CSRNP1: variants seen among roughly 807,000 people sequenced by gnomAD.
CSRNP1 encodes cysteine/serine-rich nuclear protein 1.
CSRNP1 carries 8 observed loss-of-function variants against 25.0 expected under a neutral mutation model. The observed-to-expected ratio is 0.32, with a 90% CI of 0.19 to 0.58. CSRNP1 has a LOEUF of 0.58. Ranked by LOEUF, CSRNP1 falls within the 20% of genes least tolerant of loss-of-function variation. The pLI is 0.88. For synonymous variants in CSRNP1, 305 were observed against 303.1 expected (o/e 1.01, Z -0.06); for missense variants, 691 against 773.1 (o/e 0.89, Z 1.26).
chr3:39,142,374 C>T lies in CSRNP1; in HGVS notation c.*681G>A, dbSNP rs1438601544. 1 of 152,818 alleles carries T rather than the reference C, an allele frequency of 6.5e-6. No homozygotes were observed. Among genetic ancestry groups the T allele is most frequent in the Non-Finnish European group, 1.5e-5 (1 of 68,294 alleles). The allele number at this position is 152,818 out of a possible 1,614,324, so 9.5% of individuals were successfully genotyped here. A position where few individuals can be genotyped will look rare whatever the true frequency, so the allele number is the denominator to read the frequency against. ...TGTTCAGCCCAGGCTCTCCCCCTGC[C>T]TAGATGATGTCCTTGGCCAGCACCT... On this transcript the variant is annotated 3_prime_UTR_variant, in exon 5 of 5. Coordinates refer to ENST00000273153, the MANE Select transcript of CSRNP1 (RefSeq NM_033027.4).
Position 39,143,108 on chromosome 3 carries a change from T to C in CSRNP1, c.1717A>G (p.Ser573Gly), listed in dbSNP as rs2039436341. The change falls in exon 5 of 5, where the codon AGC becomes GGC. Residue 573 changes from serine (S) to glycine (G), a missense_variant. Physicochemically the swap from Ser to Gly is moderately conservative, Grantham distance 56. Coordinates refer to ENST00000273153, the MANE Select transcript of CSRNP1 (RefSeq NM_033027.4). ...AAEALDPFID[S>G]QFEDTVPASL... ...GCTGGGACAGTGTCCTCAAACTGGC[T>C]GTCAATAAAGGGATCTAGGGCTTCG... The C allele has an allele frequency of 3.7e-6, 6 of 1,609,656 alleles. No individual in the cohort carries two copies. The highest frequency in any genetic ancestry group is 5.1e-6 in the Non-Finnish European group (6 of 1,176,700).
At position 39,145,023 on chromosome 3, in the gene CSRNP1, C is replaced by G. The variant is rs138067710; in HGVS notation, c.439G>C (p.Glu147Gln). Reference protein sequence around the residue: ...HEKLRQRLKEEKLEMLQWKLS... With the variant: ...HEKLRQRLKEQKLEMLQWKLS... ...TTCCACTGCAGCATCTCCAACTTCT[C>G]CTCTTTCAAGCGCTGGCGGAGCTTC... Residue 147 changes from glutamate to glutamine, a missense_variant, in exon 3 of 5, where the codon GAG becomes CAG. Transcript: ENST00000273153. 5 of 1,611,888 alleles carry G rather than the reference C, an allele frequency of 3.1e-6. No homozygotes were observed. The African/African-American group carries it at 6.7e-5, about 22-fold the overall frequency.
At position 39,143,252 on chromosome 3, in the gene CSRNP1, CCTT is replaced by C. The variant is rs755470248; in HGVS notation, c.1570_1572del (p.Lys524del). On this transcript the variant is annotated inframe_deletion, in exon 5 of 5. Transcript: ENST00000273153. ...TCGATGTTGTCCAGGCTGTCAGACA[CCTT>C]CTGTGATGTGTAGTGAGGCCCCAGA... 2 of 1,614,194 alleles carry C rather than the reference CCTT, an allele frequency of 1.2e-6. No individual in the cohort carries two copies. Among genetic ancestry groups the C allele is most frequent in the Non-Finnish European group, 8.5e-7 (1 of 1,180,036 alleles).
In CSRNP1 at chr3:39,144,348, C is replaced by T. The variant is rs749571779; in HGVS notation, c.569G>A (p.Gly190Asp). The change falls in exon 4 of 5, where the codon GGT (glycine) becomes GAT (aspartate). Residue 190 changes from glycine to aspartate, a missense_variant. Physicochemically the swap from Gly to Asp is moderately conservative, Grantham distance 94. Coordinates refer to ENST00000273153, the MANE Select transcript of CSRNP1 (RefSeq NM_033027.4). ...VEEDLAVAVA[G>D]GRLEEVSFLQ... ...GAAGCTCACTTCTTCCAACCGGCCA[C>T]CTGCCACAGCGACTGCCAAGTCCTC... 19 of 1,614,048 alleles carry T rather than the reference C, an allele frequency of 1.2e-5. No homozygotes were observed. The highest frequency in any genetic ancestry group is 1.6e-5 in the Non-Finnish European group (19 of 1,180,056).
rs191442690 is a variant in CSRNP1, at chr3:39,146,461, G to A, written c.205+17C>T. ...AGGCAGGCAGGTGATGGAGTTCCCAGGGGAGGGAGTACTCACGGGTGAAAC... is the reference window on the plus strand; with the variant it reads ...AGGCAGGCAGGTGATGGAGTTCCCAAGGGAGGGAGTACTCACGGGTGAAAC... On this transcript the variant is annotated intron_variant, in intron 2 of 4. Coordinates refer to ENST00000273153, the MANE Select transcript of CSRNP1 (RefSeq NM_033027.4). 4.3e-3 allele frequency: 6,561 copies of A among 1,519,008 alleles called. 26 individuals are homozygous for A. Among genetic ancestry groups the A allele is most frequent in the Non-Finnish European group, 4.6e-3 (5,189 of 1,130,196 alleles). The allele number at this position is 1,519,008 out of a possible 1,614,324, so 94.1% of individuals were successfully genotyped here.
intron 1 of CSRNP1, chr3:39,150,907 A>G (rs1559734469): frequency 6.6e-6 from 1 of 152,030 alleles, no homozygotes; most frequent in Non-Finnish European, 1.5e-5. Flanking sequence ...CCTCCCTGAT[A>G]CTCCTCTGGA....
intron 2 of CSRNP1, among the ~76,000 whole-genome samples, chr3:39,146,271 C>T (rs1374298553): frequency 6.6e-6 from 1 of 152,200 alleles, no homozygotes; most frequent in Non-Finnish European, 1.5e-5. Flanking sequence ...TCCCGGATGT[C>T]ATCACTCCCA....
chr3:39,145,025 T>A lies in CSRNP1; in HGVS notation c.437A>T (p.Glu146Val). The A allele has an allele frequency of 1.2e-6, 2 of 1,612,070 alleles. No individual in the cohort carries two copies. The highest frequency in any genetic ancestry group is 1.7e-6 in the Non-Finnish European group (2 of 1,178,408). The stretch of plus-strand genomic sequence containing the variant: ...CCACTGCAGCATCTCCAACTTCTCC[T>A]CTTTCAAGCGCTGGCGGAGCTTCTC... Reference protein sequence around the residue: ...RHEKLRQRLKEEKLEMLQWKL... With the variant: ...RHEKLRQRLKVEKLEMLQWKL... Residue 146 changes from glutamate (E) to valine (V), a missense_variant, in exon 3 of 5, where the codon GAG (glutamate) becomes GTG (valine). Transcript: ENST00000273153.
In CSRNP1 at chr3:39,143,756, TA is replaced by T. The variant is rs1191061756; in HGVS notation, c.1068del (p.Thr357GlnfsTer39). Reference protein sequence around the residue: ...NSCSSDMTDSSTASSSASGTS... With the variant: ...NSCSSDMTDSXTASSSASGTS... ...GTGCCCGATGCTGATGAAGATGCTG[TA>T]GAAGAATCAGTCATGTCGCTGCTGC... On this transcript the variant is annotated frameshift_variant, in exon 5 of 5. Coordinates refer to ENST00000273153, the MANE Select transcript of CSRNP1 (RefSeq NM_033027.4). LOFTEE classifies it low-confidence loss of function (END_TRUNC). 6.2e-7 allele frequency: 1 copy of T among 1,613,946 alleles called. No individual in the cohort carries two copies. The highest frequency in any genetic ancestry group is 1.3e-5 in the African/African-American group (1 of 74,902).
In CSRNP1 at chr3:39,143,259, T is replaced by A; in HGVS notation, c.1566A>T (p.Ser522=). 6.2e-7 allele frequency: 1 copy of A among 1,614,026 alleles called. No homozygotes were observed. The highest frequency in any genetic ancestry group is 8.5e-7 in the Non-Finnish European group (1 of 1,180,002). Residue 522 remains serine (S), a synonymous_variant, in exon 5 of 5, where the codon TCA becomes TCT. Coordinates refer to ENST00000273153, the MANE Select transcript of CSRNP1 (RefSeq NM_033027.4). The part of the protein sequence containing the change: ...PDYSLGPHYT[S]QKVSDSLDNI... Reference sequence around the variant, plus strand: ...TGTCCAGGCTGTCAGACACCTTCTGTGATGTGTAGTGAGGCCCCAGACTAT... The same window carrying A: ...TGTCCAGGCTGTCAGACACCTTCTGAGATGTGTAGTGAGGCCCCAGACTAT...
chr3:39,144,009 C>T lies in CSRNP1; in HGVS notation c.816G>A (p.Arg272=), dbSNP rs755445699. ...DHTAFPCGCC[R]EGCENPMGRV... is the part of the protein sequence containing the mutation. ...GGCCCATGGGGTTCTCACAGCCCTC[C>T]CTGCAGCAGCCACAGGGGAATGCTG... The change falls in exon 5 of 5, where the codon AGG becomes AGA. Residue 272 remains arginine (R), a synonymous_variant. Transcript: ENST00000273153. The T allele has an allele frequency of 6.2e-7, 1 of 1,613,110 alleles. No homozygotes were observed. The highest frequency in any genetic ancestry group is 8.5e-7 in the Non-Finnish European group (1 of 1,179,990).
At chr3:39,148,056 C>G (rs1490731114) in intron 1 of CSRNP1, among the ~76,000 whole-genome samples, 2 of 152,162 alleles carry the variant, frequency 1.3e-5, no homozygotes, top group African/African-American at 4.8e-5. Flanking sequence ...TACAAAGTCC[C>G]CGAATCCTGT....
chr3:39,143,125 AGGGCTTCGGCGGC>A lies in CSRNP1; in HGVS notation c.1687_1699del (p.Ala563Ter). The A allele has an allele frequency of 3.1e-6, 5 of 1,613,902 alleles. No homozygotes were observed. The South Asian group carries it at 4.4e-5, about 14-fold the overall frequency. ...AAACTGGCTGTCAATAAAGGGATCTAGGGCTTCGGCGGCTGGCTCGGAGAAGCCCATGAGGGAC... is the reference window on the plus strand; with the variant it reads ...AAACTGGCTGTCAATAAAGGGATCTATGGCTCGGAGAAGCCCATGAGGGAC... On this transcript the variant is annotated frameshift_variant, in exon 5 of 5. Coordinates refer to ENST00000273153, the MANE Select transcript of CSRNP1 (RefSeq NM_033027.4). LOFTEE classifies it low-confidence loss of function (END_TRUNC).
rs761092013 is a variant in CSRNP1 at position 39,144,176 on chromosome 3, A to T, written c.741T>A (p.Pro247=). 5.0e-6 allele frequency: 8 copies of T among 1,614,076 alleles called. No homozygotes were observed. The highest frequency in any genetic ancestry group is 5.9e-6 in the Non-Finnish European group (7 of 1,179,952). ...CTGCCAGGCTGCAGCTGCAGGTCTC[A>T]GGGTCGCAGATCCTATCGCAGTGAC... ...CGCHCDRICD[P]ETCSCSLAGI... Residue 247 remains proline (P), a synonymous_variant, in exon 4 of 5, where the codon CCT becomes CCA. Transcript: ENST00000273153.
chr3:39,152,761 AAGG>A (rs1210908132), intron 1 of CSRNP1: 13 of 154,446 alleles, frequency 8.4e-5, no homozygotes, highest in South Asian at 1.9e-4. Context: ...CGTGCTGCGG[AAGG>A]AGGAGAAGTG....
rs2125884771 is a variant in CSRNP1, at chr3:39,143,665, TCAA to T, written c.1157_1159del (p.Val386del). 1 of 1,614,150 alleles carries T rather than the reference TCAA, an allele frequency of 6.2e-7. No homozygotes were observed. Among genetic ancestry groups the T allele is most frequent in the East Asian group, 2.2e-5 (1 of 44,850 alleles). On this transcript the variant is annotated inframe_deletion, in exon 5 of 5. Transcript: ENST00000273153. ...CAAGATGCGTGCCAGGCTGTCATCATCAACGCCAGGCTGGAAGCCAGGGCCAGG... is the reference window on the plus strand; with the variant it reads ...CAAGATGCGTGCCAGGCTGTCATCATCGCCAGGCTGGAAGCCAGGGCCAGG...
In CSRNP1 at chr3:39,144,302, C is replaced by G. The variant is rs772207810; in HGVS notation, c.615G>C (p.Arg205=). 1.3e-5 allele frequency: 21 copies of G among 1,614,080 alleles called. No individual in the cohort carries two copies. Among genetic ancestry groups the G allele is most frequent in the Non-Finnish European group, 5.9e-6 (7 of 1,180,046 alleles). ...AAGCCCTCAGCAGAGCTCGACGTCG[C>G]CGGGCTGGGTAGGGCTGTAGGAAGC... ...EVSFLQPYPA[R]RRRALLRASG... is the part of the protein sequence containing the mutation. The change falls in exon 4 of 5, where the codon CGG becomes CGC. Residue 205 remains arginine, a synonymous_variant. Transcript: ENST00000273153.
Position 39,143,805 on chromosome 3 carries a change from G to A in CSRNP1, c.1020C>T (p.Asn340=). The change falls in exon 5 of 5, where the codon AAC becomes AAT. Residue 340 remains asparagine (N), a synonymous_variant. Coordinates refer to ENST00000273153, the MANE Select transcript of CSRNP1 (RefSeq NM_033027.4). ...PTFPLAKPPM[N]NELGDNSCSS... is the part of the protein sequence containing the mutation. The stretch of plus-strand genomic sequence containing the variant: ...TGCAGCTGTTGTCTCCCAGCTCATT[G>A]TTCATGGGGGGCTTGGCCAGTGGGA... The A allele has an allele frequency of 6.2e-7, 1 of 1,614,250 alleles. No individual in the cohort carries two copies. Among genetic ancestry groups the A allele is most frequent in the Non-Finnish European group, 8.5e-7 (1 of 1,180,034 alleles).
chr3:39,145,555 TTTC>T (rs2039497294), intron 2 of CSRNP1, among the ~76,000 whole-genome samples: 1 of 152,174 alleles, frequency 6.6e-6, no homozygotes, highest in Middle Eastern at 3.2e-3. Context: ...TTTGTACAGT[TTTC>T]TATTGTTTTT....
Sources: allele counts gnomAD v4.1 joint callset (sites outside exome capture counted in the v4.1 genomes callset), GRCh38; gene constraint gnomAD v4.1.1; transcripts MANE v1.5; gene names NCBI Gene and HGNC (gene_info 2026-07-23, HGNC 2026-07-21).